The following BCL2L13 variants were observed in gnomAD, a reference collection of about 807,000 sequenced individuals.
BCL2L13 encodes the protein bcl-2-like protein 13.
A neutral mutation model predicts 25.8 loss-of-function variants in BCL2L13; 13 were observed. The observed-to-expected ratio is 0.50, with a 90% CI of 0.33 to 0.80. The LOEUF (loss-of-function observed/expected upper bound fraction) is 0.80, where lower values mean the gene tolerates loss of function less well. BCL2L13 is among the 30% of genes least tolerant of loss of function. The pLI is 0.02. For synonymous variants in BCL2L13, 244 were observed against 230.3 expected (o/e 1.06, Z -0.54); for missense variants, 504 against 574.9 (o/e 0.88, Z 1.26).
At chr22:17,657,829 T>TTTTTC (rs1412544973) in intron 2 of BCL2L13, among the ~76,000 whole-genome samples, 1 of 135,460 alleles carries the variant, frequency 7.4e-6, no homozygotes, top group African/African-American at 2.8e-5. Flanking sequence ...ATTTCTTTTT[T>TTTTTC]TTTTTTTTTT....
In BCL2L13 at chr22:17,675,435, G is replaced by A. The variant is rs118049676; in HGVS notation, c.122-7779G>A. 9.0e-3 allele frequency among the ~76,000 whole-genome samples: 1,367 copies of A among 152,234 alleles called. 4 individuals are homozygous for A. Among genetic ancestry groups the A allele is most frequent in the South Asian group, 0.019 (92 of 4,826 alleles). ...TGTTCTGAGTTTCTGATTAAGGGGAGGTCAAGAGTAGAATGATAGATATTA... is the reference window on the plus strand; with the variant it reads ...TGTTCTGAGTTTCTGATTAAGGGGAAGTCAAGAGTAGAATGATAGATATTA... On this transcript the variant is annotated intron_variant, in intron 2 of 6. Transcript: ENST00000317582.
intron 2 of BCL2L13, among the ~76,000 whole-genome samples, chr22:17,670,999 A>G (rs1382459234): frequency 1.3e-5 from 2 of 152,134 alleles, no homozygotes; most frequent in East Asian, 3.9e-4. Flanking sequence ...AGTGGCTCAC[A>G]CCTGTAATGC....
intron 5 of BCL2L13, 106 bp from the exon 6 acceptor site, chr22:17,702,137 A>G (rs531515424): frequency 4.4e-6 from 4 of 913,464 alleles, no homozygotes; most frequent in Non-Finnish European, 6.5e-6. Context: ...TGAAAATAAA[A>G]ATACCTTAAT....
At chr22:17,687,807 G>C in intron 3 of BCL2L13, among the ~76,000 whole-genome samples, 1 of 140,034 alleles carries the variant, frequency 7.1e-6, no homozygotes, top group Non-Finnish European at 1.5e-5. Flanking sequence ...GTGAGCCACC[G>C]CACCCGGCCC....
chr22:17,705,907 T>G lies in BCL2L13; in HGVS notation c.600+3521T>G, dbSNP rs533668843. Among the ~76,000 whole-genome samples, 3 of 152,336 alleles carry G rather than the reference T, an allele frequency of 2.0e-5. No individual in the cohort carries two copies. The East Asian group carries it at 5.8e-4, about 29-fold the overall frequency. On this transcript the variant is annotated intron_variant, in intron 6 of 6. Coordinates refer to ENST00000317582, the MANE Select transcript of BCL2L13 (RefSeq NM_015367.4). ...GGAGGTGGTGCCAGCAGCCATAATC[T>G]GTTGGATGAATGGAGTGATATAGCA...
At chr22:17,669,075 C>G (rs1302570096) in intron 2 of BCL2L13, among the ~76,000 whole-genome samples, 2 of 147,756 alleles carry the variant, frequency 1.4e-5, no homozygotes, top group Admixed American at 6.8e-5. Flanking sequence ...CTCTGTCGCC[C>G]AGGCTGGAGT....
chr22:17,685,368 G>T (rs1190857144), intron 3 of BCL2L13, among the ~76,000 whole-genome samples: 3 of 152,038 alleles, frequency 2.0e-5, no homozygotes, highest in East Asian at 3.9e-4. Context: ...TGGGATTACA[G>T]GTACCCACCA....
chr22:17,656,503 A>G (rs2058870785), intron 2 of BCL2L13, among the ~76,000 whole-genome samples: 3 of 150,874 alleles, frequency 2.0e-5, no homozygotes, highest in Admixed American at 6.6e-5. Context: ...GCACACCACC[A>G]TGCCCGGCTA....
intron 6 of BCL2L13, among the ~76,000 whole-genome samples, chr22:17,714,386 A>G (rs974218638): frequency 1.6e-4 from 25 of 152,084 alleles, no homozygotes; most frequent in Non-Finnish European, 3.2e-4. Context: ...CGGGAGGCGG[A>G]GGTTGCAGCG....
intron 6 of BCL2L13, among the ~76,000 whole-genome samples, chr22:17,708,048 G>A (rs995601050): frequency 2.0e-5 from 3 of 151,634 alleles, no homozygotes; most frequent in Admixed American, 1.3e-4. Flanking sequence ...ATTTTGATAC[G>A]TTCCTTTACT....
intron 6 of BCL2L13, chr22:17,706,574 G>A: frequency 1.3e-6 from 1 of 798,082 alleles, no homozygotes; most frequent in Non-Finnish European, 1.6e-6. Flanking sequence ...CAAATGCCAG[G>A]TTTTCACATG....
intron 1 of BCL2L13, among the ~76,000 whole-genome samples, chr22:17,646,607 G>A (rs547841407): frequency 6.7e-6 from 1 of 149,624 alleles, no homozygotes; most frequent in Non-Finnish European, 1.5e-5. Context: ...TGGATACCAA[G>A]AACACTTGTA....
chr22:17,704,551 G>A (rs574590143), intron 6 of BCL2L13, among the ~76,000 whole-genome samples: 176 of 151,902 alleles, frequency 1.2e-3, no homozygotes, highest in African/African-American at 4.0e-3. Flanking sequence ...CAAGGCAGGC[G>A]GATCACCTGA....
At chr22:17,715,434 G>A (rs190688513) in intron 6 of BCL2L13, among the ~76,000 whole-genome samples, 21 of 150,482 alleles carry the variant, frequency 1.4e-4, no homozygotes, top group Admixed American at 9.3e-4. Context: ...CACCCACCTC[G>A]GCCTCCCAAA....
At chr22:17,711,280 T>C (rs1421448742) in intron 6 of BCL2L13, among the ~76,000 whole-genome samples, 2 of 150,790 alleles carry the variant, frequency 1.3e-5, no homozygotes, top group East Asian at 3.8e-4. Context: ...TTGTTGACTT[T>C]TCCCTTATTT....
Position 17,702,386 on chromosome 22 carries a change from G to T in BCL2L13, c.600G>T (p.Trp200Cys), listed in dbSNP as rs775152752. Reference sequence around the variant, plus strand: ...AGTACATCATTCAGCAAGGTGGCTGGGTATGAGCTGTTATATATTAAAAAT... The same window carrying T: ...AGTACATCATTCAGCAAGGTGGCTGTGTATGAGCTGTTATATATTAAAAAT... The part of the protein sequence containing the change: ...SAEYIIQQGG[W>C]GTVFSLESEE... The change falls in exon 6 of 7, where the codon TGG becomes TGT. Residue 200 changes from tryptophan to cysteine, a missense_variant and splice_region_variant. Trp to Cys is a radical substitution (Grantham distance 215). Transcript: ENST00000317582. 1 of 1,571,024 alleles carries T rather than the reference G, an allele frequency of 6.4e-7. No individual in the cohort carries two copies. Among genetic ancestry groups the T allele is most frequent in the Admixed American group, 2.0e-5 (1 of 49,302 alleles).
At chr22:17,646,946 TA>T (rs1568923630) in intron 1 of BCL2L13, among the ~76,000 whole-genome samples, 7 of 34,996 alleles carry the variant, frequency 2.0e-4, no homozygotes, top group African/African-American at 6.0e-4. Flanking sequence ...TATATATATA[TA>T]TATATATATT....
intron 6 of BCL2L13, among the ~76,000 whole-genome samples, chr22:17,720,169 T>TCTTTCTTTCTTTCTTG (rs952476251): frequency 2.0e-5 from 3 of 151,046 alleles, no homozygotes; most frequent in African/African-American, 7.3e-5. Flanking sequence ...TTTCTTTCTT[T>TCTTTCTTTCTTTCTTG]CTTTCTTTCT....
At chr22:17,631,687 T>TAC (rs1568903707) in intron 1 of BCL2L13, among the ~76,000 whole-genome samples, 5 of 61,356 alleles carry the variant, frequency 8.1e-5, no homozygotes, top group Admixed American at 2.2e-4. Flanking sequence ...TATATATATA[T>TAC]ATATATATAT....
Sources: allele counts gnomAD v4.1 joint callset (sites outside exome capture counted in the v4.1 genomes callset), GRCh38; gene constraint gnomAD v4.1.1; transcripts MANE v1.5; gene names NCBI Gene and HGNC (gene_info 2026-07-23, HGNC 2026-07-21).